Variants in PCNX4 observed in about 807,000 individuals in gnomAD.
PCNX4 encodes pecanex-like protein 4.
Under a neutral mutation model 107.2 loss-of-function variants are expected in PCNX4, and 103 were observed. The observed-to-expected ratio is 0.96, with a 90% CI of 0.82 to 1.13. The LOEUF is 1.13. Ranked by LOEUF, PCNX4 falls within the 50% of genes most tolerant of loss-of-function variation. The pLI, the probability that PCNX4 is intolerant of heterozygous loss-of-function variation, is 0.00. For missense variants in PCNX4, 1,528 were observed against 1,379.4 expected (o/e 1.11, Z -1.71); for synonymous variants, 541 against 481.7 (o/e 1.12, Z -1.61).
Position 60,139,431 on chromosome 14 carries a change from ATATTT to A in PCNX4, c.*5213_*5217del, listed in dbSNP as rs1896281832. ...TCACCAGAAAGTTTCAACAGGTCTA[ATATTT>A]TAATGATTTAACAATATAGCCTCAA... On this transcript the variant is annotated 3_prime_UTR_variant, in exon 11 of 11. Transcript: ENST00000406854. The A allele has an allele frequency of 6.6e-6, 1 of 152,172 alleles. No individual in the cohort carries two copies. The highest frequency in any genetic ancestry group is 2.4e-5 in the African/African-American group (1 of 41,462). The allele number at this position is 152,172 out of a possible 1,614,324, so 9.4% of individuals were successfully genotyped here. A position where few individuals can be genotyped will look rare whatever the true frequency, so the allele number is the denominator to read the frequency against.
In PCNX4 at chr14:60,138,824, TAAC is replaced by T. The variant is rs1204155840; in HGVS notation, c.*4604_*4606del. ...ATATATATACAGTTTAAGTGAATATTAACTATATAAAATAGTCTTCGAGGTTAA... is the reference window on the plus strand; with the variant it reads ...ATATATATACAGTTTAAGTGAATATTTATATAAAATAGTCTTCGAGGTTAA... On this transcript the variant is annotated 3_prime_UTR_variant, in exon 11 of 11. Transcript: ENST00000406854. 9 of 152,158 alleles carry T rather than the reference TAAC, an allele frequency of 5.9e-5. No homozygotes were observed. Among genetic ancestry groups the T allele is most frequent in the Admixed American group, 5.9e-4 (9 of 15,274 alleles). 9.4% of individuals were successfully genotyped at this position (152,158 alleles called of 1,614,324 possible). A position where few individuals can be genotyped will look rare whatever the true frequency, so the allele number is the denominator to read the frequency against.
chr14:60,124,294 A>T lies in PCNX4; in HGVS notation c.2123A>T (p.Glu708Val). 1 of 1,608,548 alleles carries T rather than the reference A, an allele frequency of 6.2e-7. No individual in the cohort carries two copies. Among genetic ancestry groups the T allele is most frequent in the Admixed American group, 1.7e-5 (1 of 59,008 alleles). Residue 708 changes from glutamate (E) to valine (V), a missense_variant, in exon 9 of 11, where the codon GAG becomes GTG. Physicochemically the swap from Glu to Val is moderately radical, Grantham distance 121 (BLOSUM62 -2). Coordinates refer to ENST00000406854, the MANE Select transcript of PCNX4 (RefSeq NM_001330177.2). Reference sequence around the variant, plus strand: ...GATGAAGTTTTTGAAGATGCTTTTGAGCAAGAATACACAAGAGTATGTTCC... The same window carrying T: ...GATGAAGTTTTTGAAGATGCTTTTGTGCAAGAATACACAAGAGTATGTTCC... ...RVDEVFEDAF[E>V]QEYTRVCSLN...
chr14:60,097,234 C>T (rs1204727674), intron 1 of PCNX4, among the ~76,000 whole-genome samples: 1 of 152,150 alleles, frequency 6.6e-6, no homozygotes, highest in Non-Finnish European at 1.5e-5. Flanking sequence ...TCCTTCACCC[C>T]ATGTCTAGTG....
At chr14:60,092,983 A>G (rs1472863391) in intron 1 of PCNX4, among the ~76,000 whole-genome samples, 2 of 152,170 alleles carry the variant, frequency 1.3e-5, no homozygotes, top group Non-Finnish European at 2.9e-5. Context: ...TTCTTCATTA[A>G]ATCATTCCTG....
At chr14:60,126,729 T>C (rs918214368) in intron 10 of PCNX4, among the ~76,000 whole-genome samples, 3 of 152,202 alleles carry the variant, frequency 2.0e-5, no homozygotes, top group African/African-American at 7.2e-5. Context: ...TTGCTGAGGC[T>C]GGATTCCAGG....
chr14:60,124,532 TA>T lies in PCNX4; in HGVS notation c.2364del (p.Ala791HisfsTer3), dbSNP rs778349679. 5 of 1,613,560 alleles carry T rather than the reference TA, an allele frequency of 3.1e-6. No individual in the cohort carries two copies. Among genetic ancestry groups the T allele is most frequent in the African/African-American group, 1.3e-5 (1 of 74,864 alleles). ...AAGAGAATGTTCACAACACTGAAAA[TA>T]AAGGGAAAGCACCTCTAATGTTGCC... ...MKENVHNTEN[K>X]GKAPLMLPAL... is the part of the protein sequence containing the mutation. On this transcript the variant is annotated frameshift_variant, in exon 9 of 11. Transcript: ENST00000406854. LOFTEE classifies it high-confidence loss of function.
rs1165991252 is a variant in PCNX4, at chr14:60,138,887, A to G, written c.*4666A>G. 1 of 152,154 alleles carries G rather than the reference A, an allele frequency of 6.6e-6. No individual in the cohort carries two copies. Among genetic ancestry groups the G allele is most frequent in the Admixed American group, 6.5e-5 (1 of 15,282 alleles). 9.4% of individuals were successfully genotyped at this position (152,154 alleles called of 1,614,324 possible). On this transcript the variant is annotated 3_prime_UTR_variant, in exon 11 of 11. Transcript: ENST00000406854. The stretch of plus-strand genomic sequence containing the variant: ...TGTTAAAATGTGACAATAATATACA[A>G]ATTTGGTGCAGGAATTCTAAGGTCA...
Position 60,144,929 on chromosome 14 carries a change from TC to T in PCNX4, c.*10709del. ...GATTGCTGTTTTCATGTTTTCCATT[TC>T]TCCCTCCAGTGGCTTGAAAAGTACA... On this transcript the variant is annotated 3_prime_UTR_variant, in exon 11 of 11. Coordinates refer to ENST00000406854, the MANE Select transcript of PCNX4 (RefSeq NM_001330177.2). 1 of 1,545,450 alleles carries T rather than the reference TC, an allele frequency of 6.5e-7. No homozygotes were observed. Among genetic ancestry groups the T allele is most frequent in the Non-Finnish European group, 8.9e-7 (1 of 1,120,566 alleles).
In PCNX4 at chr14:60,115,409, G is replaced by A; in HGVS notation, c.1305G>A (p.Lys435=). The A allele has an allele frequency of 6.4e-7, 1 of 1,560,460 alleles. No individual in the cohort carries two copies. The highest frequency in any genetic ancestry group is 1.4e-5 in the African/African-American group (1 of 73,358). ...AAACTGTGACTGTATTCTTTGAGAA[G>A]CAAACTAGGCTCATGAAGATTGGTA... The part of the protein sequence containing the change: ...DVQTVTVFFE[K]QTRLMKIGIV... Residue 435 remains lysine (K), a synonymous_variant, in exon 4 of 11, where the codon AAG becomes AAA. Coordinates refer to ENST00000406854, the MANE Select transcript of PCNX4 (RefSeq NM_001330177.2).
rs1186412295 is a variant in PCNX4, at chr14:60,145,670, G to T, written c.*11449G>T. On this transcript the variant is annotated 3_prime_UTR_variant, in exon 11 of 11. Coordinates refer to ENST00000406854, the MANE Select transcript of PCNX4 (RefSeq NM_001330177.2). The surrounding 1 kb of genome is among the most constrained non-coding windows in gnomAD (Gnocchi z 4.0). Reference sequence around the variant, plus strand: ...GCCTGGCCAACAAGAGGGAAACTCTGTCTCAAAAAAAATAAAAAGAAAAAA... The same window carrying T: ...GCCTGGCCAACAAGAGGGAAACTCTTTCTCAAAAAAAATAAAAAGAAAAAA... 6.6e-6 allele frequency: 1 copy of T among 151,560 alleles called. No homozygotes were observed. Among genetic ancestry groups the T allele is most frequent in the African/African-American group, 2.4e-5 (1 of 41,152 alleles). The allele number at this position is 151,560 out of a possible 1,614,324, so 9.4% of individuals were successfully genotyped here. A position where few individuals can be genotyped will look rare whatever the true frequency, so the allele number is the denominator to read the frequency against.
chr14:60,130,353 A>G (rs1004597212), intron 10 of PCNX4, among the ~76,000 whole-genome samples: 1 of 150,862 alleles, frequency 6.6e-6, no homozygotes, highest in Admixed American at 6.6e-5. Flanking sequence ...CCACATGATC[A>G]TCTCGGTAGA....
chr14:60,112,131 T>C (rs1018311575), intron 2 of PCNX4, among the ~76,000 whole-genome samples: 5 of 152,218 alleles, frequency 3.3e-5, no homozygotes, highest in Middle Eastern at 3.2e-3. Flanking sequence ...AATAATACTT[T>C]TAAATGACTT....
At chr14:60,108,367 T>C in intron 2 of PCNX4, 40 bp downstream of exon 2, 3 of 1,457,066 alleles carry the variant, frequency 2.1e-6, no homozygotes, top group South Asian at 2.7e-5. Flanking sequence ...ACTTTGTTTT[T>C]AAGTATACAG....
At chr14:60,122,954 A>G (rs1236727894) in intron 8 of PCNX4, among the ~76,000 whole-genome samples, 1 of 152,114 alleles carries the variant, frequency 6.6e-6, no homozygotes, top group Non-Finnish European at 1.5e-5. Flanking sequence ...AGAACTTGTT[A>G]GAAGTGGAAA....
chr14:60,126,531 G>C (rs1211825027), intron 10 of PCNX4, among the ~76,000 whole-genome samples: 3 of 152,156 alleles, frequency 2.0e-5, no homozygotes, highest in Admixed American at 2.0e-4. Context: ...CTAAAACCCA[G>C]TGAGAATAGC....
At chr14:60,119,872 C>T (rs1486451504) in intron 7 of PCNX4, among the ~76,000 whole-genome samples, 1 of 152,126 alleles carries the variant, frequency 6.6e-6, no homozygotes, top group Non-Finnish European at 1.5e-5. Flanking sequence ...TTGGCTAGGG[C>T]ATGGGGAACA....
chr14:60,102,989 A>G (rs1325766060), intron 1 of PCNX4, among the ~76,000 whole-genome samples: 1 of 152,204 alleles, frequency 6.6e-6, no homozygotes, highest in African/African-American at 2.4e-5. Context: ...GTGAATCGTA[A>G]TTGTCTTTAT....
chr14:60,130,391 A>G (rs749096256), intron 10 of PCNX4, among the ~76,000 whole-genome samples: 3 of 151,974 alleles, frequency 2.0e-5, no homozygotes, highest in Non-Finnish European at 4.4e-5. Context: ...ACAAAATCCC[A>G]CACCCTTTCA....
rs747483127 is a variant in PCNX4, at chr14:60,121,161, CTTTTTTTTTT to C, written c.1943-24_1943-15del. 7.3e-6 allele frequency: 8 copies of C among 1,103,162 alleles called. No individual in the cohort carries two copies. The Middle Eastern group carries it at 1.6e-3, about 219-fold the overall frequency. The allele number at this position is 1,103,162 out of a possible 1,614,324, so 68.3% of individuals were successfully genotyped here. A position where few individuals can be genotyped will look rare whatever the true frequency, so the allele number is the denominator to read the frequency against. ...ATAAAAGAAGTTTGAAAATGATTTT[CTTTTTTTTTT>C]TTTTTTTTTTCTAATTTGTTGTAGG... is the stretch of plus-strand genomic sequence containing the variant. On this transcript the variant is annotated intron_variant, in intron 7 of 10. Transcript: ENST00000406854.
Sources: gnomAD v4.1 joint callset for allele counts (sites outside exome capture counted in the v4.1 genomes callset) on GRCh38, gnomAD v4.1.1 for gene constraint, Gnocchi (gnomAD v3.1) non-coding constraint, MANE v1.5 for transcripts, NCBI Gene and HGNC (gene_info 2026-07-23, HGNC 2026-07-21) for gene names.